The following CDYL variants were observed in gnomAD, a reference collection of about 807,000 sequenced individuals.
CDYL encodes the protein chromodomain Y-like protein.
Under a neutral mutation model 47.3 loss-of-function variants are expected in CDYL, and 8 were observed. The ratio of observed to expected loss-of-function variants is 0.17; its 90% confidence interval spans 0.10 to 0.31. The LOEUF is 0.31. Among genes scored for constraint, CDYL ranks in the 10% least tolerant of loss-of-function variants. CDYL has a pLI of 1.00. For missense variants in CDYL, 471 were observed against 701.4 expected, an observed-to-expected ratio of 0.67 and a Z score of 3.71; for synonymous variants, 266 against 265.0, an observed-to-expected ratio of 1.00 and a Z score of -0.04.
At chr6:4,907,584 A>G (rs1213440321) in intron 2 of CDYL, among the ~76,000 whole-genome samples, 3 of 152,256 alleles carry the variant, frequency 2.0e-5, no homozygotes, top group Non-Finnish European at 4.4e-5. Flanking sequence ...GGTTTTGCCC[A>G]GGCTAGTCTT....
At chr6:4,792,715 C>G (rs1758960854) in intron 1 of CDYL, among the ~76,000 whole-genome samples, 1 of 152,132 alleles carries the variant, frequency 6.6e-6, no homozygotes, top group South Asian at 2.1e-4. Flanking sequence ...GGATTACAGG[C>G]ATGAGCCACC....
intron 2 of CDYL, among the ~76,000 whole-genome samples, chr6:4,718,261 T>TTGGTGG (rs70974131): frequency 6.6e-6 from 1 of 151,906 alleles, no homozygotes; most frequent in Non-Finnish European, 1.5e-5. Flanking sequence ...TTTTTTGTCA[T>TTGGTGG]TGGTGGTGGT....
Position 4,891,993 on chromosome 6 carries a change from G to C in CDYL, c.305G>C (p.Gly102Ala). Residue 102 changes from glycine to alanine, a missense_variant, in exon 2 of 7, where the codon GGG (glycine) becomes GCG (alanine). Transcript: ENST00000397588. ...SKTSPKALVI[G>A]KDHESKNSQL... ...ACCTCTCCTAAGGCACTCGTGATTG[G>C]GAAAGACCACGAATCCAAAAACAGC... is the stretch of plus-strand genomic sequence containing the variant. 6.2e-7 allele frequency: 1 copy of C among 1,614,144 alleles called. No homozygotes were observed. Among genetic ancestry groups the C allele is most frequent in the Non-Finnish European group, 8.5e-7 (1 of 1,180,038 alleles).
intron 1 of CDYL, among the ~76,000 whole-genome samples, chr6:4,839,360 T>TCTGTGGG (rs1339048567): frequency 6.6e-6 from 1 of 152,246 alleles, no homozygotes; most frequent in African/African-American, 2.4e-5. Flanking sequence ...TTTCTCCCAC[T>TCTGTGGG]CTGTGGGTTG....
intron 1 of CDYL, among the ~76,000 whole-genome samples, chr6:4,876,064 T>C (rs564529521): frequency 3.9e-5 from 6 of 152,240 alleles, no homozygotes; most frequent in African/African-American, 7.2e-5. Context: ...CTTATCAAGC[T>C]GGAAAGCTGT....
At chr6:4,752,331 G>C (rs1210646431) in intron 3 of CDYL, among the ~76,000 whole-genome samples, 1 of 152,062 alleles carries the variant, frequency 6.6e-6, no homozygotes, top group African/African-American at 2.4e-5. Flanking sequence ...TCCAAATAAA[G>C]GTCTTTTATA....
chr6:4,707,241 G>C (rs1199703090), intron 1 of CDYL, among the ~76,000 whole-genome samples: 3 of 152,140 alleles, frequency 2.0e-5, no homozygotes, highest in African/African-American at 7.2e-5. Context: ...ATTACATAGT[G>C]AGCAAATGAC....
In CDYL at chr6:4,776,728, C is replaced by G. The variant is rs1758462424; in HGVS notation, c.-56C>G. 12 of 1,272,518 alleles carry G rather than the reference C, an allele frequency of 9.4e-6. No homozygotes were observed. The highest frequency in any genetic ancestry group is 1.4e-5 in the South Asian group (1 of 72,886). The allele number at this position is 1,272,518 out of a possible 1,614,324, so 78.8% of individuals were successfully genotyped here. ...CAACTGAAACAAAGTGTCGGCCGCCCGGCGCCGGCGCCCGCCCCGACCCTG... is the reference window on the plus strand; with the variant it reads ...CAACTGAAACAAAGTGTCGGCCGCCGGGCGCCGGCGCCCGCCCCGACCCTG... On this transcript the variant is annotated 5_prime_UTR_variant, in exon 1 of 7. Transcript: ENST00000397588.
upstream of CDYL, among the ~76,000 whole-genome samples, chr6:4,771,957 G>A (rs1361175470): frequency 6.6e-6 from 1 of 152,122 alleles, no homozygotes; most frequent in African/African-American, 2.4e-5. Flanking sequence ...CAAAAATGGG[G>A]TAATGTATAA....
At chr6:4,712,751 G>A (rs1052053120) in intron 1 of CDYL, among the ~76,000 whole-genome samples, 3 of 152,210 alleles carry the variant, frequency 2.0e-5, no homozygotes, top group African/African-American at 7.2e-5. Context: ...AACTGGATGA[G>A]AGAGCAAAGC....
At chr6:4,817,828 C>T (rs1343940409) in intron 1 of CDYL, among the ~76,000 whole-genome samples, 1 of 152,166 alleles carries the variant, frequency 6.6e-6, no homozygotes, top group Non-Finnish European at 1.5e-5. Flanking sequence ...AAAATATCTT[C>T]TAAAGAAACT....
intron 2 of CDYL, among the ~76,000 whole-genome samples, chr6:4,718,304 GGTT>G (rs1243018855): frequency 2.0e-5 from 3 of 151,842 alleles, no homozygotes; most frequent in African/African-American, 7.3e-5. Context: ...TCGTTTGTTT[GGTT>G]GTTTTTTGTT....
chr6:4,717,829 A>G (rs1292227948), intron 2 of CDYL, among the ~76,000 whole-genome samples: 1 of 138,670 alleles, frequency 7.2e-6, no homozygotes. Flanking sequence ...CACAGACATC[A>G]CCCTGTTAGA....
At chr6:4,728,897 C>T (rs1379461603) in intron 2 of CDYL, among the ~76,000 whole-genome samples, 1 of 152,148 alleles carries the variant, frequency 6.6e-6, no homozygotes, top group African/African-American at 2.4e-5. Flanking sequence ...TGCACAGTTC[C>T]ATGCCATTCC....
intron 2 of CDYL, among the ~76,000 whole-genome samples, chr6:4,897,139 T>C (rs369145532): frequency 1.3e-5 from 2 of 152,250 alleles, no homozygotes; most frequent in East Asian, 1.9e-4. Context: ...AAGAAGTAAT[T>C]GCTTTTAAAA....
chr6:4,801,854 A>G (rs1759235033), intron 1 of CDYL, among the ~76,000 whole-genome samples: 1 of 152,086 alleles, frequency 6.6e-6, no homozygotes. Context: ...ACTCTTTTTT[A>G]AAAATATTGC....
intron 4 of CDYL, among the ~76,000 whole-genome samples, chr6:4,939,883 G>A (rs77476837): frequency 0.029 from 4,465 of 152,270 alleles, 213 homozygotes; most frequent in Admixed American, 0.11. Flanking sequence ...TGGTAGCTCT[G>A]CGGTCATAAG....
intron 2 of CDYL, among the ~76,000 whole-genome samples, chr6:4,729,356 C>T (rs1300014362): frequency 2.6e-5 from 4 of 152,174 alleles, no homozygotes; most frequent in Admixed American, 2.6e-4. Flanking sequence ...CATATACACA[C>T]ACCAGAATCA....
chr6:4,753,119 TC>T (rs769462790), intron 3 of CDYL, among the ~76,000 whole-genome samples: 67 of 152,150 alleles, frequency 4.4e-4, no homozygotes, highest in Non-Finnish European at 7.2e-4. Flanking sequence ...GCCATGTAGC[TC>T]GGGCTGGACT....
Sources: allele counts gnomAD v4.1 joint callset (sites outside exome capture counted in the v4.1 genomes callset), GRCh38; gene constraint gnomAD v4.1.1; transcripts MANE v1.5; gene names NCBI Gene and HGNC (gene_info 2026-07-23, HGNC 2026-07-21).